NCAPG2: variants seen among roughly 807,000 people sequenced by gnomAD.
NCAPG2 encodes condensin-2 complex subunit G2.
A neutral mutation model predicts 141.1 loss-of-function variants in NCAPG2; 53 were observed. That is an observed-to-expected ratio of 0.38 (90% CI 0.30 to 0.47). NCAPG2 has a LOEUF of 0.47. Ranked by LOEUF, NCAPG2 falls within the 20% of genes least tolerant of loss-of-function variation. The probability of loss-of-function intolerance (pLI) is 0.99; values close to 1 mark genes in which losing one functional copy is unlikely to be tolerated. For missense variants in NCAPG2, 1,087 were observed against 1,389.0 expected, an observed-to-expected ratio of 0.78 and a Z score of 3.46; for synonymous variants, 499 against 490.7, an observed-to-expected ratio of 1.02 and a Z score of -0.22.
chr7:158,654,690 T>C lies in NCAPG2; in HGVS notation c.2651A>G (p.Tyr884Cys). The C allele has an allele frequency of 6.2e-7, 1 of 1,613,620 alleles. No homozygotes were observed. The highest frequency in any genetic ancestry group is 8.5e-7 in the Non-Finnish European group (1 of 1,179,820). Residue 884 changes from tyrosine (Y) to cysteine (C), a missense_variant, in exon 22 of 28, where the codon TAC becomes TGC. By Grantham distance (194) the Tyr-to-Cys change is radical (BLOSUM62 -2). Coordinates refer to ENST00000356309, the MANE Select transcript of NCAPG2 (RefSeq NM_017760.7). ...RVIYQQIIQTYLTVCKDVVMV... is the reference protein window; with the variant it reads ...RVIYQQIIQTCLTVCKDVVMV... ...AACAACATCTTTACACACAGTCAGG[T>C]AGGTCTGTAAGAGACAGACACAGCT...
At position 158,683,284 on chromosome 7, in the gene NCAPG2, CTG is replaced by C. The variant is rs1354901976; in HGVS notation, c.924+14_924+15del. The C allele has an allele frequency of 6.7e-7, 1 of 1,496,306 alleles. No homozygotes were observed. The highest frequency in any genetic ancestry group is 1.3e-5 in the South Asian group (1 of 77,108). The allele number at this position is 1,496,306 out of a possible 1,614,324, so 92.7% of individuals were successfully genotyped here. The stretch of plus-strand genomic sequence containing the variant: ...GAGGAAACATTATTTCAAAAACAAT[CTG>C]TTCACAATCTTACCTCCCGCACTTT... On this transcript the variant is annotated intron_variant, in intron 9 of 27. Coordinates refer to ENST00000356309, the MANE Select transcript of NCAPG2 (RefSeq NM_017760.7).
intron 13 of NCAPG2, among the ~76,000 whole-genome samples, chr7:158,666,876 G>A (rs1169127114): frequency 2.0e-5 from 3 of 152,124 alleles, no homozygotes; most frequent in African/African-American, 4.8e-5. Context: ...GCTGACAAAG[G>A]AAACAAAGAG....
chr7:158,636,741 G>A lies in NCAPG2; in HGVS notation c.3381-5024C>T, dbSNP rs1294420465. 5.9e-5 allele frequency among the ~76,000 whole-genome samples: 9 copies of A among 152,184 alleles called. No individual in the cohort carries two copies. The South Asian group carries it at 1.7e-3, about 28-fold the overall frequency. On this transcript the variant is annotated intron_variant, in intron 27 of 27. Coordinates refer to ENST00000356309, the MANE Select transcript of NCAPG2 (RefSeq NM_017760.7). ...TAAAGAAAAATGCTTAGACTTTTGA[G>A]GTTGTTACTACATCCTGTGAAAACA...
At chr7:158,675,774 T>A in intron 11 of NCAPG2, 118 bp from the exon 12 acceptor site, 1 of 1,021,114 alleles carries the variant, frequency 9.8e-7, no homozygotes, top group Non-Finnish European at 1.4e-6. Context: ...AGCATAGAAA[T>A]ACTGGACACA....
In NCAPG2 at chr7:158,662,215, T is replaced by C; in HGVS notation, c.1968A>G (p.Pro656=). The change falls in exon 16 of 28, where the codon CCA becomes CCG. Residue 656 remains proline, a synonymous_variant. Coordinates refer to ENST00000356309, the MANE Select transcript of NCAPG2 (RefSeq NM_017760.7). ...TTACCTTAAATACTTTCAGATACTC[T>C]GGAAGCACAGAGGCAAACTTGTTAA... ...YTINKFASVL[P]EYLKVFKDDR... 1 of 1,608,180 alleles carries C rather than the reference T, an allele frequency of 6.2e-7. No individual in the cohort carries two copies. The highest frequency in any genetic ancestry group is 1.1e-5 in the South Asian group (1 of 88,878).
rs904941763 is a variant in NCAPG2 at position 158,667,194 on chromosome 7, T to C, written c.1480-2444A>G. 2.9e-5 allele frequency: 29 copies of C among 985,458 alleles called. 1 individual carries two copies. The South Asian group carries it at 1.2e-3, about 41-fold the overall frequency. 61.0% of individuals were successfully genotyped at this position (985,458 alleles called of 1,614,324 possible). ...GCCTTGCACTTGCAAAGATAAGGAC[T>C]GAAACGCAAACGTTCTGCCTTCTTC... On this transcript the variant is annotated intron_variant, in intron 13 of 27. Coordinates refer to ENST00000356309, the MANE Select transcript of NCAPG2 (RefSeq NM_017760.7).
At position 158,644,274 on chromosome 7, in the gene NCAPG2, A is replaced by G. The variant is rs181210326; in HGVS notation, c.3380+15T>C. ...AGTTTTAGATGATCACATCTGGTGA[A>G]TATCTCTCCTTTACCTTTCAATGCT... On this transcript the variant is annotated intron_variant, in intron 27 of 27. Transcript: ENST00000356309. 940 of 1,572,792 alleles carry G rather than the reference A, an allele frequency of 6.0e-4. No individual in the cohort carries two copies. The highest frequency in any genetic ancestry group is 7.5e-4 in the Non-Finnish European group (857 of 1,142,336).
intron 15 of NCAPG2, among the ~76,000 whole-genome samples, chr7:158,663,394 TG>T (rs972818550): frequency 3.3e-5 from 5 of 152,256 alleles, no homozygotes; most frequent in African/African-American, 9.6e-5. Flanking sequence ...TGTATGTTTT[TG>T]GTAAGTGCCT....
intron 27 of NCAPG2, among the ~76,000 whole-genome samples, chr7:158,641,988 C>A (rs1830682196): frequency 6.6e-6 from 1 of 152,108 alleles, no homozygotes; most frequent in Admixed American, 6.5e-5. Flanking sequence ...AGAGAGAACA[C>A]ATTCTGAGCC....
chr7:158,693,010 G>A, intron 3 of NCAPG2, 54 bp from the exon 4 acceptor site: 1 of 1,212,254 alleles, frequency 8.2e-7, no homozygotes, highest in South Asian at 1.4e-5. Flanking sequence ...CTTAAAATCA[G>A]TTTTTAGCAG....
rs1836073576 is a variant in NCAPG2, at chr7:158,704,786, C to G, written c.-102G>C. The G allele has an allele frequency of 6.6e-6, 1 of 152,402 alleles. No individual in the cohort carries two copies. The highest frequency in any genetic ancestry group is 2.4e-5 in the African/African-American group (1 of 41,594). The allele number at this position is 152,402 out of a possible 1,614,324, so 9.4% of individuals were successfully genotyped here. A position where few individuals can be genotyped will look rare whatever the true frequency, so the allele number is the denominator to read the frequency against. ...AGATTCAAACGCACCCGCCGGCGCC[C>G]CAGACGGGCCCCGCCCTCCCGGTCG... On this transcript the variant is annotated 5_prime_UTR_variant, in exon 1 of 28. Coordinates refer to ENST00000356309, the MANE Select transcript of NCAPG2 (RefSeq NM_017760.7).
At chr7:158,653,261 T>C (rs1486207230) in intron 22 of NCAPG2, among the ~76,000 whole-genome samples, 1 of 151,400 alleles carries the variant, frequency 6.6e-6, no homozygotes, top group Non-Finnish European at 1.5e-5. Context: ...CTCAGGAGGC[T>C]GAGGCATGAG....
chr7:158,682,107 C>G (rs953078355), intron 9 of NCAPG2, among the ~76,000 whole-genome samples: 2 of 151,886 alleles, frequency 1.3e-5, no homozygotes, highest in Non-Finnish European at 2.9e-5. Flanking sequence ...ATAAATTTAC[C>G]AAATAGTGAT....
intron 12 of NCAPG2, among the ~76,000 whole-genome samples, chr7:158,672,868 A>G (rs895407141): frequency 9.9e-5 from 15 of 152,016 alleles, no homozygotes; most frequent in African/African-American, 3.1e-4. Flanking sequence ...GTGTTCTCCT[A>G]ATTCTCCTTC....
chr7:158,665,731 C>G (rs1301976038), intron 13 of NCAPG2, among the ~76,000 whole-genome samples: 1 of 152,136 alleles, frequency 6.6e-6, no homozygotes, highest in Non-Finnish European at 1.5e-5. Flanking sequence ...ACCTCCATAT[C>G]TCACCTCCCA....
intron 8 of NCAPG2, among the ~76,000 whole-genome samples, chr7:158,683,670 T>G (rs542186175): frequency 4.4e-4 from 67 of 152,342 alleles, no homozygotes; most frequent in African/African-American, 1.6e-3. Context: ...CACTCAAGGC[T>G]AGTTCAAATC....
intron 26 of NCAPG2, among the ~76,000 whole-genome samples, chr7:158,645,266 G>A (rs1241574692): frequency 6.6e-6 from 1 of 152,234 alleles, no homozygotes; most frequent in East Asian, 1.9e-4. Context: ...GGCAACAGGT[G>A]AAAATGAACA....
intron 2 of NCAPG2, among the ~76,000 whole-genome samples, chr7:158,697,533 G>A (rs540044598): frequency 1.3e-4 from 19 of 151,936 alleles, no homozygotes; most frequent in Non-Finnish European, 2.2e-4. Context: ...CCCGGGAGGC[G>A]GAGGTTGCAG....
intron 9 of NCAPG2, among the ~76,000 whole-genome samples, chr7:158,682,270 G>A (rs1367406147): frequency 3.3e-5 from 5 of 151,296 alleles, no homozygotes; most frequent in Admixed American, 2.6e-4. Flanking sequence ...AATAAAATTT[G>A]AAACACCAAC....
Sources: allele counts gnomAD v4.1 joint callset (sites outside exome capture counted in the v4.1 genomes callset), GRCh38; gene constraint gnomAD v4.1.1; transcripts MANE v1.5; gene names NCBI Gene and HGNC (gene_info 2026-07-23, HGNC 2026-07-21).